Variants in SEMA6D observed in about 807,000 individuals in gnomAD.
The protein encoded by SEMA6D is semaphorin 6D.
Under a neutral mutation model 106.6 loss-of-function variants are expected in SEMA6D, and 35 were observed. The observed-to-expected ratio is 0.33, with a 90% confidence interval of 0.25 to 0.44. The LOEUF (loss-of-function observed/expected upper bound fraction) is 0.44. Ranked by LOEUF, SEMA6D falls within the 20% of genes least tolerant of loss-of-function variation. The pLI, the probability that SEMA6D is intolerant of heterozygous loss-of-function variation, is 1.00. For synonymous variants in SEMA6D, 499 were observed against 487.7 expected (o/e 1.02, Z -0.31); for missense variants, 1,185 against 1,345.9 (o/e 0.88, Z 1.87).
intron 11 of SEMA6D, 64 bp downstream of exon 11, chr15:47,764,369 C>T: frequency 1.3e-6 from 2 of 1,557,800 alleles, no homozygotes; most frequent in East Asian, 2.3e-5. Flanking sequence ...GGAAGCATCC[C>T]TCCTCAGGGA....
intron 1 of SEMA6D, among the ~76,000 whole-genome samples, chr15:47,242,790 A>T (rs1168013320): frequency 6.6e-6 from 1 of 152,142 alleles, no homozygotes; most frequent in Non-Finnish European, 1.5e-5. Context: ...AATTTTAAAC[A>T]AGTAGAGGTG....
chr15:47,533,710 G>A (rs1285990717), intron 3 of SEMA6D, among the ~76,000 whole-genome samples: 5 of 152,156 alleles, frequency 3.3e-5, no homozygotes, highest in Non-Finnish European at 1.5e-5. Flanking sequence ...TTCTACTTGT[G>A]AGAGGACAGG....
chr15:47,430,201 TCTC>T (rs915870379), intron 2 of SEMA6D, among the ~76,000 whole-genome samples: 1 of 151,912 alleles, frequency 6.6e-6, no homozygotes, highest in Non-Finnish European at 1.5e-5. Flanking sequence ...CCCCCAAAAA[TCTC>T]CTCCTTAGTA....
At chr15:47,544,365 A>T (rs1322580178) in intron 3 of SEMA6D, among the ~76,000 whole-genome samples, 3 of 152,174 alleles carry the variant, frequency 2.0e-5, no homozygotes, top group Non-Finnish European at 4.4e-5. Context: ...AACTGTCGTT[A>T]TCATCTATTC....
intron 1 of SEMA6D, among the ~76,000 whole-genome samples, chr15:47,328,945 AT>A (rs1237025761): frequency 3.3e-5 from 5 of 152,228 alleles, no homozygotes; most frequent in Non-Finnish European, 7.3e-5. Context: ...GACATAGTTC[AT>A]TCATCACTAT....
chr15:47,542,333 T>C (rs536462413), intron 3 of SEMA6D, among the ~76,000 whole-genome samples: 111 of 152,302 alleles, frequency 7.3e-4, no homozygotes, highest in African/African-American at 2.5e-3. Context: ...CTTATATGCC[T>C]TTCTAAATTG....
At chr15:47,276,949 T>A (rs2034846152) in intron 1 of SEMA6D, among the ~76,000 whole-genome samples, 4 of 152,174 alleles carry the variant, frequency 2.6e-5, no homozygotes, top group Admixed American at 2.6e-4. Context: ...CATCAACAGA[T>A]GTTTCAATGA....
intron 1 of SEMA6D, among the ~76,000 whole-genome samples, chr15:47,290,219 C>T (rs1217209573): frequency 6.6e-6 from 1 of 152,162 alleles, no homozygotes; most frequent in African/African-American, 2.4e-5. Flanking sequence ...AATTCCAAAT[C>T]CCACTGGAGT....
intron 2 of SEMA6D, among the ~76,000 whole-genome samples, chr15:47,425,463 C>T (rs995581651): frequency 6.6e-6 from 1 of 151,944 alleles, no homozygotes; most frequent in Non-Finnish European, 1.5e-5. Context: ...CTTTCTGACC[C>T]CCAACAGAAT....
At chr15:47,456,926 A>G (rs116188831) in intron 2 of SEMA6D, among the ~76,000 whole-genome samples, 1,662 of 152,090 alleles carry the variant, frequency 0.011, 27 homozygotes, top group African/African-American at 0.039. Context: ...AGTGTTCCCA[A>G]GTCTTCTCTG....
intron 4 of SEMA6D, among the ~76,000 whole-genome samples, chr15:47,677,311 T>C (rs528727305): frequency 7.5e-4 from 114 of 152,246 alleles, no homozygotes; most frequent in African/African-American, 2.6e-3. Flanking sequence ...GTATTGCCTG[T>C]ATATGGCCTC....
chr15:47,448,011 G>A (rs2042078315), intron 2 of SEMA6D, among the ~76,000 whole-genome samples: 2 of 152,128 alleles, frequency 1.3e-5, no homozygotes, highest in African/African-American at 4.8e-5. Flanking sequence ...CAGAGGAAAA[G>A]CAGTTTGGTT....
In SEMA6D at chr15:47,256,784, G is replaced by A. The variant is rs551248290; in HGVS notation, c.-239+72366G>A. On this transcript the variant is annotated intron_variant, in intron 1 of 19. Coordinates refer to the SEMA6D transcript ENST00000558014. ...TGAGGCAGGAGAATCACTTGAACCCGGGAGGTGGAGGTTGCAGTGAGCTGA... is the reference window on the plus strand; with the variant it reads ...TGAGGCAGGAGAATCACTTGAACCCAGGAGGTGGAGGTTGCAGTGAGCTGA... Among the ~76,000 whole-genome samples the A allele has an allele frequency of 2.8e-4, 43 of 152,130 alleles. 1 individual carries two copies. Among genetic ancestry groups the A allele is most frequent in the Middle Eastern group, 3.4e-3 (1 of 294 alleles).
chr15:47,412,496 GA>G (rs1212636331), intron 2 of SEMA6D: 9 of 152,546 alleles, frequency 5.9e-5, no homozygotes, highest in Admixed American at 5.2e-4. Flanking sequence ...ATATAACAAC[GA>G]AGGACAGTAA....
intron 1 of SEMA6D, among the ~76,000 whole-genome samples, chr15:47,311,697 A>G (rs576929522): frequency 6.6e-6 from 1 of 152,308 alleles, no homozygotes; most frequent in African/African-American, 2.4e-5. Flanking sequence ...AATGAAAAAA[A>G]AATCTATATA....
intron 3 of SEMA6D, among the ~76,000 whole-genome samples, chr15:47,533,198 G>C (rs1035429183): frequency 6.6e-6 from 1 of 152,162 alleles, no homozygotes; most frequent in African/African-American, 2.4e-5. Flanking sequence ...TCTGTAGATG[G>C]TAAGAAATTA....
chr15:47,391,619 A>G (rs554692699), intron 1 of SEMA6D, among the ~76,000 whole-genome samples: 1 of 152,152 alleles, frequency 6.6e-6, no homozygotes, highest in South Asian at 2.1e-4. Flanking sequence ...CATTTCACAA[A>G]GAGGCCCAAG....
chr15:47,606,605 A>T (rs1330605956), intron 4 of SEMA6D, among the ~76,000 whole-genome samples: 2 of 152,228 alleles, frequency 1.3e-5, no homozygotes, highest in Non-Finnish European at 2.9e-5. Context: ...ACCAAGAGGC[A>T]GGAATCATTG....
chr15:47,675,834 C>T (rs2078233144), intron 4 of SEMA6D, among the ~76,000 whole-genome samples: 1 of 151,862 alleles, frequency 6.6e-6, no homozygotes, highest in Non-Finnish European at 1.5e-5. Flanking sequence ...CCTGATGTGC[C>T]CTGTACTGCA....
Sources: allele counts gnomAD v4.1 joint callset (sites outside exome capture counted in the v4.1 genomes callset), GRCh38; gene constraint gnomAD v4.1.1; transcripts MANE v1.5; gene names NCBI Gene and HGNC (gene_info 2026-07-23, HGNC 2026-07-21).